GDA: variants seen among roughly 807,000 people sequenced by gnomAD.
GDA encodes the protein guanine deaminase, also known as cytoplasmic PSD-95 interactor.
In GDA, 18 loss-of-function variants were observed where a neutral mutation model predicts 59.6. The ratio of observed to expected loss-of-function variants is 0.30; its 90% CI spans 0.21 to 0.45. The LOEUF (loss-of-function observed/expected upper bound fraction) is 0.45, where lower values mean the gene tolerates loss of function less well. Among genes scored for constraint, GDA ranks in the 20% least tolerant of loss-of-function variants. GDA has a pLI of 1.00. For missense variants in GDA, 427 were observed against 552.3 expected, an observed-to-expected ratio of 0.77 and a Z score of 2.27; for synonymous variants, 201 against 201.1, an observed-to-expected ratio of 1.00 and a Z score of 0.00.
chr9:72,123,011 A>G (rs12552331), intron 1 of GDA, among the ~76,000 whole-genome samples: 68,927 of 151,990 alleles, frequency 0.45, 17,853 homozygotes, highest in Non-Finnish European at 0.58. Flanking sequence ...GTGTATTCAT[A>G]TTTTAAGAAG....
chr9:72,224,569 G>A (rs1368289853), intron 7 of GDA, among the ~76,000 whole-genome samples: 1 of 152,028 alleles, frequency 6.6e-6, no homozygotes, highest in Non-Finnish European at 1.5e-5. Flanking sequence ...ATTCTTATGG[G>A]CTGTTTCTTG....
chr9:72,117,354 CT>C (rs1388470032), intron 1 of GDA, among the ~76,000 whole-genome samples: 1 of 151,898 alleles, frequency 6.6e-6, no homozygotes, highest in East Asian at 1.9e-4. Flanking sequence ...GAGTGTATGT[CT>C]TTTTTTAATG....
At chr9:72,190,636 T>C (rs1832422726) in intron 1 of GDA, among the ~76,000 whole-genome samples, 1 of 152,188 alleles carries the variant, frequency 6.6e-6, no homozygotes, top group South Asian at 2.1e-4. Context: ...CCCTGCATTA[T>C]TCAAGGGGCA....
chr9:72,218,764 C>T (rs1836472043), intron 5 of GDA, among the ~76,000 whole-genome samples: 1 of 152,172 alleles, frequency 6.6e-6, no homozygotes, highest in Non-Finnish European at 1.5e-5. Flanking sequence ...TAGGAGAATT[C>T]GAAGTAAAGA....
chr9:72,141,315 T>C (rs1418864281), intron 1 of GDA, among the ~76,000 whole-genome samples: 1 of 152,166 alleles, frequency 6.6e-6, no homozygotes, highest in Non-Finnish European at 1.5e-5. Context: ...GTTACATAAA[T>C]GGTAAATTTC....
chr9:72,252,227 T>C (rs1840753743), downstream of GDA: 1 of 152,600 alleles, frequency 6.6e-6, no homozygotes, highest in Non-Finnish European at 1.5e-5. Context: ...TTACGTTATT[T>C]TTTGTTGTGA....
At chr9:72,117,933 G>A (rs1825512887) in intron 1 of GDA, among the ~76,000 whole-genome samples, 1 of 152,142 alleles carries the variant, frequency 6.6e-6, no homozygotes, top group African/African-American at 2.4e-5. Flanking sequence ...CAAAATATTG[G>A]TTGAATGAAT....
intron 3 of GDA, among the ~76,000 whole-genome samples, chr9:72,205,232 A>G (rs1455498689): frequency 6.6e-6 from 1 of 152,050 alleles, no homozygotes; most frequent in Non-Finnish European, 1.5e-5. Flanking sequence ...TATGGCTGAC[A>G]TCTGTTTAAG....
intron 6 of GDA, among the ~76,000 whole-genome samples, chr9:72,222,417 T>A (rs1837004846): frequency 6.6e-6 from 1 of 152,224 alleles, no homozygotes; most frequent in African/African-American, 2.4e-5. Flanking sequence ...TTGGGTTGTT[T>A]TTTTCTTATA....
intron 10 of GDA, among the ~76,000 whole-genome samples, chr9:72,237,675 T>G (rs912166447): frequency 6.6e-6 from 1 of 152,198 alleles, no homozygotes; most frequent in African/African-American, 2.4e-5. Context: ...AGACCCCTCC[T>G]GAAGGAACCC....
chr9:72,131,641 G>T (rs7018505), intron 1 of GDA, among the ~76,000 whole-genome samples: 2 of 151,322 alleles, frequency 1.3e-5, no homozygotes, highest in Non-Finnish European at 3.0e-5. Flanking sequence ...AACACACCAC[G>T]TGCACAGACA....
rs144803536 is a variant in GDA, at chr9:72,220,610, C to G, written c.606+1104C>G. Among the ~76,000 whole-genome samples, 500 of 152,156 alleles carry G rather than the reference C, an allele frequency of 3.3e-3. 2 individuals carry two copies. The highest frequency in any genetic ancestry group is 0.016 in the East Asian group (80 of 5,154). On this transcript the variant is annotated intron_variant, in intron 6 of 13. Transcript: ENST00000358399. ...TCTTCCTCAGTGGTTTTCCTTACCC[C>G]CCTCTGGGATCTTCTGATTTCACAG...
rs564694212 is a variant in GDA, at chr9:72,250,288, A to G, written c.*1946A>G. On this transcript the variant is annotated 3_prime_UTR_variant, in exon 14 of 14. Transcript: ENST00000358399. ...GCTTCTAGCATTTGCAAGATCCTAC[A>G]CTTTTACCTTCTTTAAGGGTGTACA... 5 of 1,003,444 alleles carry G rather than the reference A, an allele frequency of 5.0e-6. No homozygotes were observed. Among genetic ancestry groups the G allele is most frequent in the Non-Finnish European group, 5.9e-6 (5 of 841,956 alleles). 62.2% of individuals were successfully genotyped at this position (1,003,444 alleles called of 1,614,324 possible).
At chr9:72,166,561 C>T (rs1448751736) in intron 1 of GDA, among the ~76,000 whole-genome samples, 1 of 152,082 alleles carries the variant, frequency 6.6e-6, no homozygotes, top group African/African-American at 2.4e-5. Flanking sequence ...ATAATAAATA[C>T]TCAAGATGAG....
intron 1 of GDA, among the ~76,000 whole-genome samples, chr9:72,137,796 C>T (rs917111476): frequency 6.6e-6 from 1 of 151,718 alleles, no homozygotes; most frequent in African/African-American, 2.4e-5. Context: ...ACTGTTACAA[C>T]CAAAATTATT....
chr9:72,228,886 T>A (rs2131634061), intron 9 of GDA: 1 of 151,780 alleles, frequency 6.6e-6, no homozygotes, highest in South Asian at 2.1e-4. Context: ...AGACTCTGTC[T>A]CAGAAAAATA....
intron 3 of GDA, among the ~76,000 whole-genome samples, chr9:72,207,314 CTTCTG>C (rs966370059): frequency 2.0e-5 from 3 of 152,056 alleles, no homozygotes; most frequent in African/African-American, 4.8e-5. Flanking sequence ...AATATTGAAA[CTTCTG>C]TTCTGTTTTC....
chr9:72,249,096 G>A lies in GDA; in HGVS notation c.*754G>A. 1 of 974,096 alleles carries A rather than the reference G, an allele frequency of 1.0e-6. No individual in the cohort carries two copies. The highest frequency in any genetic ancestry group is 1.2e-6 in the Non-Finnish European group (1 of 819,274). 60.3% of individuals were successfully genotyped at this position (974,096 alleles called of 1,614,324 possible). A position where few individuals can be genotyped will look rare whatever the true frequency, so the allele number is the denominator to read the frequency against. On this transcript the variant is annotated 3_prime_UTR_variant, in exon 14 of 14. Coordinates refer to ENST00000358399, the MANE Select transcript of GDA (RefSeq NM_004293.5). The stretch of plus-strand genomic sequence containing the variant: ...GGAATATTATTCATGTAACTCCATG[G>A]CATAAATAGTTGTATTTTTGTGTAC...
intron 9 of GDA, 138 bp from the exon 10 acceptor site, chr9:72,230,976 C>T: frequency 1.5e-6 from 1 of 682,788 alleles, no homozygotes. Context: ...TCTGATTTGA[C>T]TAATATGTTT....
Sources: gnomAD v4.1 joint callset for allele counts (sites outside exome capture counted in the v4.1 genomes callset) on GRCh38, gnomAD v4.1.1 for gene constraint, MANE v1.5 for transcripts, NCBI Gene and HGNC (gene_info 2026-07-23, HGNC 2026-07-21) for gene names.